Variants in KALRN observed in about 807,000 individuals in gnomAD.
KALRN encodes the protein kalirin RhoGEF kinase, also known as kalirin.
A neutral mutation model predicts 353.7 loss-of-function variants in KALRN; 70 were observed. The ratio of observed to expected loss-of-function variants is 0.20; its 90% CI spans 0.16 to 0.24. The LOEUF (loss-of-function observed/expected upper bound fraction) is 0.24. Ranked by LOEUF, KALRN falls within the 10% of genes least tolerant of loss-of-function variation. The pLI is 1.00. For missense variants in KALRN, 2,791 were observed against 3,756.7 expected, an observed-to-expected ratio of 0.74 and a Z score of 6.72; for synonymous variants, 1,391 against 1,434.8, an observed-to-expected ratio of 0.97 and a Z score of 0.69.
intron 23 of KALRN, among the ~76,000 whole-genome samples, chr3:124,459,367 T>C (rs181870820): frequency 8.3e-4 from 126 of 152,260 alleles, no homozygotes; most frequent in African/African-American, 3.0e-3. Context: ...GTAGCTGAGG[T>C]TTTCATAAAT....
At chr3:124,287,655 T>A (rs2076030768) in intron 5 of KALRN, among the ~76,000 whole-genome samples, 1 of 150,764 alleles carries the variant, frequency 6.6e-6, no homozygotes. Flanking sequence ...ACCAGCTACT[T>A]AGTCAGGGAC....
At chr3:124,330,268 A>T (rs1159454109) in intron 8 of KALRN, among the ~76,000 whole-genome samples, 1 of 151,446 alleles carries the variant, frequency 6.6e-6, no homozygotes, top group African/African-American at 2.4e-5. Flanking sequence ...ACACACACAC[A>T]CACACACACA....
chr3:124,107,245 T>C (rs1025660129), intron 1 of KALRN, among the ~76,000 whole-genome samples: 7 of 152,208 alleles, frequency 4.6e-5, no homozygotes, highest in Non-Finnish European at 8.8e-5. Flanking sequence ...ACGTTAAGTC[T>C]TAGAGACAAA....
At chr3:124,450,123 A>G (rs539937424) in intron 21 of KALRN, among the ~76,000 whole-genome samples, 107 of 152,292 alleles carry the variant, frequency 7.0e-4, no homozygotes, top group Non-Finnish European at 1.3e-3. Flanking sequence ...GAACTGCTAA[A>G]CTGTTTTTCA....
intron 25 of KALRN, 148 bp downstream of exon 25, chr3:124,462,781 C>G (rs2059974702): frequency 1.7e-6 from 1 of 582,072 alleles, no homozygotes; most frequent in Admixed American, 3.1e-5. Context: ...TTTACTCACT[C>G]CCCTTTCTCC....
At chr3:124,160,944 G>A (rs536429193) in intron 1 of KALRN, among the ~76,000 whole-genome samples, 28 of 152,318 alleles carry the variant, frequency 1.8e-4, no homozygotes, top group African/African-American at 6.5e-4. Flanking sequence ...AGGAAGATAG[G>A]GGGAGTCTTA....
At chr3:124,128,029 T>C (rs1483854469) in intron 1 of KALRN, among the ~76,000 whole-genome samples, 2 of 152,196 alleles carry the variant, frequency 1.3e-5, no homozygotes, top group African/African-American at 4.8e-5. Flanking sequence ...GTCCTTGACA[T>C]GTAGAATATG....
Position 124,717,277 on chromosome 3 carries a change from T to C in KALRN, c.8307T>C (p.Leu2769=), listed in dbSNP as rs752102463. The change falls in exon 59 of 60, where the codon CTT becomes CTC. Residue 2769 remains leucine, a synonymous_variant. Coordinates refer to ENST00000682506, the MANE Select transcript of KALRN (RefSeq NM_001388419.1). The part of the protein sequence containing the change: ...LMDDGRLLDY[L]MNHDELMEEK... ...ATGATGGCCGGCTCTTAGACTACCT[T>C]ATGAATCATGATGAACTGATGGAGG... 2.0e-5 allele frequency: 33 copies of C among 1,612,276 alleles called. No homozygotes were observed. Among genetic ancestry groups the C allele is most frequent in the Non-Finnish European group, 2.7e-5 (32 of 1,179,234 alleles).
intron 1 of KALRN, among the ~76,000 whole-genome samples, chr3:124,110,740 C>G (rs965488237): frequency 5.3e-5 from 8 of 152,174 alleles, no homozygotes; most frequent in Non-Finnish European, 1.0e-4. Flanking sequence ...AGGTTGCAGT[C>G]AACTGGGTTT....
chr3:124,721,841 C>T lies in KALRN; in HGVS notation c.*2371C>T, dbSNP rs1214561762. On this transcript the variant is annotated 3_prime_UTR_variant, in exon 60 of 60. Coordinates refer to ENST00000682506, the MANE Select transcript of KALRN (RefSeq NM_001388419.1). Reference sequence around the variant, plus strand: ...GGCGTAGTGGCGGGCACTCGTAATCCCAGCGACTTGGGAGGCTGAGGCAGG... The same window carrying T: ...GGCGTAGTGGCGGGCACTCGTAATCTCAGCGACTTGGGAGGCTGAGGCAGG... 1 of 152,258 alleles carries T rather than the reference C, an allele frequency of 6.6e-6. No individual in the cohort carries two copies. Among genetic ancestry groups the T allele is most frequent in the Admixed American group, 6.5e-5 (1 of 15,270 alleles). 9.4% of individuals were successfully genotyped at this position (152,258 alleles called of 1,614,324 possible).
At chr3:124,306,409 A>C (rs185463017) in intron 6 of KALRN, among the ~76,000 whole-genome samples, 1 of 151,964 alleles carries the variant, frequency 6.6e-6, no homozygotes, top group Admixed American at 6.6e-5. Flanking sequence ...AACAATCTTG[A>C]AGATAAACTA....
chr3:124,188,932 A>G (rs2074566312), intron 1 of KALRN, among the ~76,000 whole-genome samples: 1 of 152,200 alleles, frequency 6.6e-6, no homozygotes, highest in African/African-American at 2.4e-5. Flanking sequence ...ATTATAGTTG[A>G]GGAACTTTGA....
intron 3 of KALRN, among the ~76,000 whole-genome samples, chr3:124,250,487 GTCCC>G (rs1223652062): frequency 3.3e-5 from 5 of 152,194 alleles, no homozygotes; most frequent in African/African-American, 1.2e-4. Flanking sequence ...TTTCTCTTGA[GTCCC>G]CTCAGCTCTC....
At chr3:124,250,252 G>A (rs890322426) in intron 3 of KALRN, among the ~76,000 whole-genome samples, 2 of 152,228 alleles carry the variant, frequency 1.3e-5, no homozygotes, top group Non-Finnish European at 2.9e-5. Flanking sequence ...GAAACATGTG[G>A]TTTATTAATG....
At chr3:124,353,882 T>A (rs1353812562) in intron 10 of KALRN, among the ~76,000 whole-genome samples, 1 of 152,216 alleles carries the variant, frequency 6.6e-6, no homozygotes, top group Non-Finnish European at 1.5e-5. Flanking sequence ...GGATCTTGCA[T>A]GACACGTTTC....
At chr3:124,061,770 C>T (rs939970297) in intron 1 of KALRN, among the ~76,000 whole-genome samples, 1 of 152,166 alleles carries the variant, frequency 6.6e-6, no homozygotes, top group Non-Finnish European at 1.5e-5. Flanking sequence ...TTTTAGGCGC[C>T]ATCTCTGCTG....
intron 1 of KALRN, among the ~76,000 whole-genome samples, chr3:124,203,610 C>T (rs1159440113): frequency 6.6e-6 from 1 of 152,082 alleles, no homozygotes; most frequent in Non-Finnish European, 1.5e-5. Context: ...TTCCCAAAGC[C>T]GAGTGATAAA....
rs369079208 is a variant in KALRN at position 124,334,382 on chromosome 3, G to C, written c.1534G>C (p.Val512Leu). The change falls in exon 9 of 60, where the codon GTG becomes CTG. Residue 512 changes from valine (V) to leucine (L), a missense_variant. Around this residue, in one of 11 missense-constraint regions of KALRN, gnomAD observed 366 missense variants for 489.2 expected, o/e 0.75. Transcript: ENST00000682506. This position sits in a 1 kb window ranked among gnomAD's most constrained non-coding sequence, Gnocchi z 4.2. The part of the protein sequence containing the change: ...YSKAVHQVLD[V>L]VHEVLHHQRR... ...CAAGGCAGTGCACCAGGTGCTGGACGTGGTGCATGAGGTGTTACATCACCA... is the reference window on the plus strand; with the variant it reads ...CAAGGCAGTGCACCAGGTGCTGGACCTGGTGCATGAGGTGTTACATCACCA... 1 of 1,613,918 alleles carries C rather than the reference G, an allele frequency of 6.2e-7. No homozygotes were observed. The highest frequency in any genetic ancestry group is 1.7e-5 in the Admixed American group (1 of 60,016).
At chr3:124,412,326 G>T (rs980175074) in intron 13 of KALRN, among the ~76,000 whole-genome samples, 15 of 152,258 alleles carry the variant, frequency 9.9e-5, no homozygotes, top group African/African-American at 3.6e-4. Context: ...CTCAACTAAG[G>T]CTCTGGGATA....
Sources: allele counts gnomAD v4.1 joint callset (sites outside exome capture counted in the v4.1 genomes callset), GRCh38; gene constraint gnomAD v4.1.1; regional missense constraint gnomAD v4.1.1; non-coding constraint Gnocchi (gnomAD v3.1); transcripts MANE v1.5; gene names NCBI Gene and HGNC (gene_info 2026-07-23, HGNC 2026-07-21).